The following NAMPT variants were observed in gnomAD, a reference collection of about 807,000 sequenced individuals.
The protein encoded by NAMPT is nicotinamide phosphoribosyltransferase, also known as NAmPRTase.
A neutral mutation model predicts 58.7 loss-of-function variants in NAMPT; 7 were observed. The observed-to-expected ratio is 0.12, with a 90% CI of 0.07 to 0.22. NAMPT has a LOEUF of 0.22. Among genes scored for constraint, NAMPT ranks in the 10% least tolerant of loss-of-function variants. NAMPT has a pLI of 1.00. For missense variants in NAMPT, 271 were observed against 567.9 expected (o/e 0.48, Z 5.31); for synonymous variants, 145 against 198.1 (o/e 0.73, Z 2.25).
Position 106,254,381 on chromosome 7 carries a change from C to T in NAMPT, c.1213G>A (p.Val405Ile). Residue 405 changes from valine (V) to isoleucine (I), a missense_variant, in exon 9 of 11, where the codon GTA becomes ATA. By Grantham distance (29) the Val-to-Ile change is conservative (BLOSUM62 3). Around this residue, in one of 4 missense-constraint regions of NAMPT, gnomAD observed 143 missense variants for 331.1 expected, o/e 0.43. Coordinates refer to ENST00000222553, the MANE Select transcript of NAMPT (RefSeq NM_005746.3). ...LNCSFKCSYV[V>I]TNGLGINVFK... Reference sequence around the variant, plus strand: ...TGACATACCCCAAGGCCATTAGTTACAACATAGCTACACTTGAAGGAACAA... The same window carrying T: ...TGACATACCCCAAGGCCATTAGTTATAACATAGCTACACTTGAAGGAACAA... 1 of 1,613,836 alleles carries T rather than the reference C, an allele frequency of 6.2e-7. No homozygotes were observed. The highest frequency in any genetic ancestry group is 1.1e-5 in the South Asian group (1 of 91,078).
At chr7:106,259,967 TC>T (rs1295440063) in intron 8 of NAMPT, among the ~76,000 whole-genome samples, 1 of 150,092 alleles carries the variant, frequency 6.7e-6, no homozygotes, top group Non-Finnish European at 1.5e-5. Context: ...CATGCTGTCA[TC>T]CAGGCTTTGT....
intron 8 of NAMPT, 32 bp downstream of exon 8, chr7:106,261,556 C>T (rs1586015648): frequency 1.4e-6 from 2 of 1,439,598 alleles, no homozygotes; most frequent in South Asian, 1.3e-5. Flanking sequence ...ATAAGAAATG[C>T]CTTATTGAAA....
intron 5 of NAMPT, among the ~76,000 whole-genome samples, 160 bp downstream of exon 5, chr7:106,268,994 G>C (rs1371060610): frequency 6.6e-6 from 1 of 152,134 alleles, no homozygotes; most frequent in African/African-American, 2.4e-5. Context: ...CATATCCCAT[G>C]TACCCTGAAC....
chr7:106,274,901 TGAAA>T lies in NAMPT; in HGVS notation c.318+41_318+44del, dbSNP rs1184189538. ...AATTCCTTTGCAAGAAGTTTTGAAC[TGAAA>T]GAAAAACCAAAACAGATCAAAAGAT... On this transcript the variant is annotated intron_variant, in intron 3 of 10. Coordinates refer to ENST00000222553, the MANE Select transcript of NAMPT (RefSeq NM_005746.3). 5 of 1,307,798 alleles carry T rather than the reference TGAAA, an allele frequency of 3.8e-6. No homozygotes were observed. In the East Asian group the frequency reaches 7.1e-5, roughly 19 times the overall value. 81.0% of individuals were successfully genotyped at this position (1,307,798 alleles called of 1,614,324 possible). A position where few individuals can be genotyped will look rare whatever the true frequency, so the allele number is the denominator to read the frequency against.
chr7:106,249,385 T>C lies in NAMPT; in HGVS notation c.*1698A>G, dbSNP rs1792071250. The C allele has an allele frequency of 6.6e-6, 1 of 152,544 alleles. No individual in the cohort carries two copies. The highest frequency in any genetic ancestry group is 2.4e-5 in the African/African-American group (1 of 41,450). The allele number at this position is 152,544 out of a possible 1,614,324, so 9.4% of individuals were successfully genotyped here. On this transcript the variant is annotated 3_prime_UTR_variant, in exon 11 of 11. Transcript: ENST00000222553. ...TTCTCATGTAACTATTTAAAACAGATGATTTATGGCTTTTCAATTTTTAAA... is the reference window on the plus strand; with the variant it reads ...TTCTCATGTAACTATTTAAAACAGACGATTTATGGCTTTTCAATTTTTAAA...
At chr7:106,278,153 G>A (rs1443483216) in intron 1 of NAMPT, among the ~76,000 whole-genome samples, 5 of 152,184 alleles carry the variant, frequency 3.3e-5, no homozygotes, top group Non-Finnish European at 7.4e-5. Flanking sequence ...TTGATCTCAA[G>A]TTCAGGAAAG....
At chr7:106,283,030 T>C (rs6466099) in intron 1 of NAMPT, among the ~76,000 whole-genome samples, 123,437 of 152,192 alleles carry the variant, frequency 0.81, 50,308 homozygotes, top group East Asian at 1. Flanking sequence ...GACTGTGGAA[T>C]ACACAATCTA....
intron 10 of NAMPT, among the ~76,000 whole-genome samples, 190 bp from the exon 11 acceptor site, chr7:106,251,383 C>A (rs967975714): frequency 6.6e-6 from 1 of 152,048 alleles, no homozygotes; most frequent in African/African-American, 2.4e-5. Context: ...CACTGAGTTG[C>A]CTGGTATGTA....
intron 3 of NAMPT, among the ~76,000 whole-genome samples, chr7:106,273,947 G>T (rs553700732): frequency 1.2e-4 from 18 of 151,854 alleles, no homozygotes; most frequent in African/African-American, 4.1e-4. Flanking sequence ...ACTTTCGTTT[G>T]TGAGACTTAA....
Position 106,253,333 on chromosome 7 carries a change from A to G in NAMPT, c.1231-182T>C, listed in dbSNP as rs1792136028. 5.0e-6 allele frequency: 3 copies of G among 595,190 alleles called. No individual in the cohort carries two copies. The East Asian group carries it at 8.9e-5, about 18-fold the overall frequency. 36.9% of individuals were successfully genotyped at this position (595,190 alleles called of 1,614,324 possible). On this transcript the variant is annotated intron_variant, in intron 9 of 10. Coordinates refer to ENST00000222553, the MANE Select transcript of NAMPT (RefSeq NM_005746.3). The stretch of plus-strand genomic sequence containing the variant: ...AACACTTTAGCCTGTTTTGAAGGAT[A>G]GTCGTTTGTAATAAAGAAAAAGTAT...
chr7:106,258,822 A>C (rs1040438056), intron 8 of NAMPT, among the ~76,000 whole-genome samples: 2 of 144,884 alleles, frequency 1.4e-5, no homozygotes, highest in African/African-American at 4.9e-5. Context: ...CCTGTTGTTG[A>C]TGGCTGCTGA....
Position 106,284,969 on chromosome 7 carries a change from G to C in NAMPT, c.-85C>G. On this transcript the variant is annotated 5_prime_UTR_variant, in exon 1 of 11. Coordinates refer to ENST00000222553, the MANE Select transcript of NAMPT (RefSeq NM_005746.3). ...AGAAAAATGAGCTTCACCGCGCTCC[G>C]TTGCTTAAGTCACTGCTCGGTCGGC... The C allele has an allele frequency of 2.0e-6, 3 of 1,518,006 alleles. No homozygotes were observed. Among genetic ancestry groups the C allele is most frequent in the Non-Finnish European group, 2.7e-6 (3 of 1,124,582 alleles). The allele number at this position is 1,518,006 out of a possible 1,614,324, so 94.0% of individuals were successfully genotyped here.
At chr7:106,269,607 G>A (rs911784664) in intron 4 of NAMPT, among the ~76,000 whole-genome samples, 2 of 152,184 alleles carry the variant, frequency 1.3e-5, no homozygotes, top group Non-Finnish European at 2.9e-5. Context: ...GAAAGACTAT[G>A]TGATAAAAGG....
At chr7:106,251,253 G>T in intron 10 of NAMPT, 60 bp from the exon 11 acceptor site, 1 of 1,128,362 alleles carries the variant, frequency 8.9e-7, no homozygotes, top group Non-Finnish European at 1.3e-6. Context: ...CTGAATCCTG[G>T]TTTGATGAAT....
At chr7:106,261,782 G>C in intron 7 of NAMPT, 75 bp from the exon 8 acceptor site, 1 of 1,453,820 alleles carries the variant, frequency 6.9e-7, no homozygotes, top group Admixed American at 1.9e-5. Flanking sequence ...AAAGTTAAAT[G>C]ATTTTGCTTT....
intron 6 of NAMPT, 93 bp downstream of exon 6, chr7:106,268,371 G>T: frequency 9.0e-7 from 1 of 1,109,226 alleles, no homozygotes; most frequent in South Asian, 1.5e-5. Flanking sequence ...TGTACTGTAG[G>T]TACCTGGCTC....
At chr7:106,281,586 TC>T (rs1792765150) in intron 1 of NAMPT, among the ~76,000 whole-genome samples, 1 of 152,240 alleles carries the variant, frequency 6.6e-6, no homozygotes, top group African/African-American at 2.4e-5. Context: ...GCTAAGACTT[TC>T]TGCTGCTTCA....
rs1255942088 is a variant in NAMPT, at chr7:106,277,157, G to A, written c.80C>T (p.Pro27Leu). 6.2e-7 allele frequency: 1 copy of A among 1,611,588 alleles called. No homozygotes were observed. Among genetic ancestry groups the A allele is most frequent in the East Asian group, 2.2e-5 (1 of 44,762 alleles). Residue 27 changes from proline to leucine, a missense_variant, in exon 2 of 11, where the codon CCA (proline) becomes CTA (leucine). Physicochemically the swap from Pro to Leu is moderately conservative, Grantham distance 98. Around this residue, in one of 4 missense-constraint regions of NAMPT, gnomAD observed 103 missense variants for 194.2 expected, o/e 0.53. Coordinates refer to ENST00000222553, the MANE Select transcript of NAMPT (RefSeq NM_005746.3). ...GGAATAAACTTTGCTTGTGTTGGGTGGATATTGTTTATAGTGAGTAACCTA... is the reference window on the plus strand; with the variant it reads ...GGAATAAACTTTGCTTGTGTTGGGTAGATATTGTTTATAGTGAGTAACCTA... ...SYKVTHYKQY[P>L]PNTSKVYSYF...
intron 7 of NAMPT, 81 bp from the exon 8 acceptor site, chr7:106,261,788 G>C (rs1382522349): frequency 7.0e-7 from 1 of 1,421,444 alleles, no homozygotes; most frequent in Non-Finnish European, 9.8e-7. Flanking sequence ...AAATGATTTT[G>C]CTTTGATAAT....
Sources: gnomAD v4.1 joint callset for allele counts (sites outside exome capture counted in the v4.1 genomes callset) on GRCh38, gnomAD v4.1.1 for gene constraint, gnomAD v4.1.1 regional missense constraint, MANE v1.5 for transcripts, NCBI Gene and HGNC (gene_info 2026-07-23, HGNC 2026-07-21) for gene names.